The following CNTNAP3 variants were observed in gnomAD, a reference collection of about 807,000 sequenced individuals.
CNTNAP3 encodes contactin associated protein family member 3.
A neutral mutation model predicts 92.1 loss-of-function variants in CNTNAP3; 36 were observed. That is an observed-to-expected ratio of 0.39 (90% CI 0.30 to 0.52). CNTNAP3 has a LOEUF of 0.52. Ranked by LOEUF, CNTNAP3 falls within the 20% of genes least tolerant of loss-of-function variation. CNTNAP3 has a pLI of 0.76. For missense variants in CNTNAP3, 534 were observed against 1,069.6 expected (o/e 0.50, Z 6.98); for synonymous variants, 232 against 422.3 (o/e 0.55, Z 5.53).
chr9:39,132,596 G>A (rs1181640473), intron 13 of CNTNAP3, among the ~76,000 whole-genome samples: 2 of 152,122 alleles, frequency 1.3e-5, no homozygotes, highest in Non-Finnish European at 2.9e-5. Flanking sequence ...TGGTCTTCAT[G>A]AAGAATTGTT....
chr9:39,076,215 G>A (rs1310420061), intron 23 of CNTNAP3, among the ~76,000 whole-genome samples: 2 of 152,308 alleles, frequency 1.3e-5, no homozygotes, highest in African/African-American at 4.8e-5. Context: ...TGATCAACTT[G>A]CCCATTTCCT....
intron 18 of CNTNAP3, among the ~76,000 whole-genome samples, chr9:39,092,994 G>T: frequency 6.9e-6 from 1 of 144,696 alleles, no homozygotes; most frequent in Non-Finnish European, 1.5e-5. Context: ...TTTTGTTTTA[G>T]AGTTTATTTT....
rs1269325057 is a variant in CNTNAP3, at chr9:39,068,490, A to T, written c.*5400T>A. Among the ~76,000 whole-genome samples, 191 of 147,484 alleles carry T rather than the reference A, an allele frequency of 1.3e-3. No individual in the cohort carries two copies. Among genetic ancestry groups the T allele is most frequent in the Admixed American group, 2.4e-3 (35 of 14,744 alleles). On this transcript the variant is annotated 3_prime_UTR_variant, in exon 24 of 24. Transcript: ENST00000297668. ...AGAGAGGTGACTAGAAAAGATGTTT[A>T]AAAAGATTCCTTGAGGTCAATAATA...
rs1272150170 is a variant in CNTNAP3, at chr9:39,144,449, C to G, written c.1650-103G>C. On this transcript the variant is annotated intron_variant, in intron 10 of 23. Coordinates refer to ENST00000297668, the MANE Select transcript of CNTNAP3 (RefSeq NM_033655.5). ...CCAAAAACAGGTTAATGTGAAAGAG[C>G]AGCATATGCAAGATAACCCCACATG... is the stretch of plus-strand genomic sequence containing the variant. 13 of 1,480,700 alleles carry G rather than the reference C, an allele frequency of 8.8e-6. No homozygotes were observed. The East Asian group carries it at 3.2e-4, about 37-fold the overall frequency. 91.7% of individuals were successfully genotyped at this position (1,480,700 alleles called of 1,614,324 possible).
chr9:39,152,817 T>A (rs1821871145), intron 9 of CNTNAP3, among the ~76,000 whole-genome samples: 1 of 112,474 alleles, frequency 8.9e-6, no homozygotes. Context: ...CACCACACCC[T>A]GCTAATTTTT....
intron 15 of CNTNAP3, among the ~76,000 whole-genome samples, chr9:39,108,500 T>C (rs1388465504): frequency 2.0e-5 from 3 of 152,142 alleles, no homozygotes; most frequent in Non-Finnish European, 4.4e-5. Flanking sequence ...GAAATAAAAA[T>C]ACATTTAGTC....
rs530445186 is a variant in CNTNAP3 at position 39,103,777 on chromosome 9, C to G, written c.2503G>C (p.Gly835Arg). The change falls in exon 16 of 24, where the codon GGG becomes CGG. Residue 835 changes from glycine (G) to arginine (R), a missense_variant. By Grantham distance (125) the Gly-to-Arg change is moderately radical (BLOSUM62 -2). Coordinates refer to ENST00000297668, the MANE Select transcript of CNTNAP3 (RefSeq NM_033655.5). The stretch of plus-strand genomic sequence containing the variant: ...TCAATCCTGATGAAATCTGTGATCC[C>G]CAGGTTCTCCATAAACACCCCGGAG... Reference protein sequence around the residue: ...VSSGVFMENLGITDFIRIELR... With the variant: ...VSSGVFMENLRITDFIRIELR... 2 of 1,611,028 alleles carry G rather than the reference C, an allele frequency of 1.2e-6. No individual in the cohort carries two copies. The highest frequency in any genetic ancestry group is 2.2e-5 in the South Asian group (2 of 90,418).
chr9:39,086,119 G>A, intron 20 of CNTNAP3: 2 of 487,950 alleles, frequency 4.1e-6, no homozygotes, highest in Non-Finnish European at 7.5e-6. Flanking sequence ...GATGGAATTG[G>A]TTGTTTTAAA....
At chr9:39,111,085 C>A (rs1826737913) in intron 14 of CNTNAP3, among the ~76,000 whole-genome samples, 1 of 152,022 alleles carries the variant, frequency 6.6e-6, no homozygotes, top group African/African-American at 2.4e-5. Flanking sequence ...ATACTGGGGG[C>A]ACATGTGCTA....
intron 21 of CNTNAP3, among the ~76,000 whole-genome samples, chr9:39,079,656 CTATT>C (rs943134351): frequency 4.5e-5 from 6 of 133,938 alleles, no homozygotes; most frequent in South Asian, 2.5e-4. Context: ...TTATCTTACA[CTATT>C]TATTTCACAT....
chr9:39,202,325 T>C (rs1382420991), intron 3 of CNTNAP3, among the ~76,000 whole-genome samples: 1 of 43,230 alleles, frequency 2.3e-5, no homozygotes, highest in African/African-American at 4.0e-5. Context: ...AACCCCATTG[T>C]CTCAGCCCAA....
At chr9:39,078,567 A>T in intron 22 of CNTNAP3, 111 bp from the exon 23 acceptor site, 2 of 1,550,134 alleles carry the variant, frequency 1.3e-6, no homozygotes, top group South Asian at 2.4e-5. Flanking sequence ...ACATCACAAA[A>T]ATGTATTTTA....
At chr9:39,168,178 G>A (rs1822205669) in intron 8 of CNTNAP3, among the ~76,000 whole-genome samples, 1 of 132,370 alleles carries the variant, frequency 7.6e-6, no homozygotes, top group African/African-American at 2.7e-5. Context: ...CACCACGCCT[G>A]GCTAATTTTT....
chr9:39,113,369 T>C (rs35223629), intron 14 of CNTNAP3, among the ~76,000 whole-genome samples: 15,173 of 152,200 alleles, frequency 0.1, 818 homozygotes, highest in African/African-American at 0.15. Flanking sequence ...CCACAGAACT[T>C]TACATTTTTG....
chr9:39,068,392 A>G lies in CNTNAP3; in HGVS notation c.*5498T>C, dbSNP rs1825558674. Among the ~76,000 whole-genome samples, 1 of 152,416 alleles carries G rather than the reference A, an allele frequency of 6.6e-6. No individual in the cohort carries two copies. Among genetic ancestry groups the G allele is most frequent in the Admixed American group, 6.5e-5 (1 of 15,308 alleles). ...GATCGCGCCACTGCACTCCAGCCTG[A>G]GCGACAGAGCAAGACTCCGTCTCAA... On this transcript the variant is annotated 3_prime_UTR_variant, in exon 24 of 24. Transcript: ENST00000297668.
In CNTNAP3 at chr9:39,099,857, T is replaced by A. The variant is rs891145993; in HGVS notation, c.2995+54A>T. The A allele has an allele frequency of 1.9e-6, 3 of 1,585,376 alleles. No individual in the cohort carries two copies. The African/African-American group carries it at 4.0e-5, about 21-fold the overall frequency. On this transcript the variant is annotated intron_variant, in intron 18 of 23. Coordinates refer to ENST00000297668, the MANE Select transcript of CNTNAP3 (RefSeq NM_033655.5). ...TATCAAATGCCAGAAGCATTCTTCATGTTATTTAAGTTTCATGTACTTTCC... is the reference window on the plus strand; with the variant it reads ...TATCAAATGCCAGAAGCATTCTTCAAGTTATTTAAGTTTCATGTACTTTCC...
chr9:39,122,902 G>C (rs1253391866), intron 13 of CNTNAP3, among the ~76,000 whole-genome samples: 2 of 152,096 alleles, frequency 1.3e-5, no homozygotes, highest in African/African-American at 2.4e-5. Context: ...CAAAGAATCA[G>C]AAGGAAATAC....
At chr9:39,151,647 A>C (rs1296480612) in intron 9 of CNTNAP3, among the ~76,000 whole-genome samples, 1 of 145,762 alleles carries the variant, frequency 6.9e-6, no homozygotes, top group Non-Finnish European at 1.5e-5. Flanking sequence ...TCTACCTCTG[A>C]TCTAAATGAA....
At chr9:39,113,814 A>C (rs1196968551) in intron 14 of CNTNAP3, among the ~76,000 whole-genome samples, 1 of 151,278 alleles carries the variant, frequency 6.6e-6, no homozygotes, top group African/African-American at 2.4e-5. Context: ...TTTCCTTACT[A>C]AACGATATAT....
Sources: gnomAD v4.1 joint callset for allele counts (sites outside exome capture counted in the v4.1 genomes callset) on GRCh38, gnomAD v4.1.1 for gene constraint, MANE v1.5 for transcripts, NCBI Gene and HGNC (gene_info 2026-07-23, HGNC 2026-07-21) for gene names.